The following RUSC2 variants were observed in gnomAD, a reference collection of about 807,000 sequenced individuals.
RUSC2 encodes RUN and SH3 domain containing 2.
A neutral mutation model predicts 122.2 loss-of-function variants in RUSC2; 34 were observed. The observed-to-expected ratio is 0.28, with a 90% CI of 0.21 to 0.37. The LOEUF is 0.37. Ranked by LOEUF, RUSC2 falls within the 10% of genes least tolerant of loss-of-function variation. The pLI is 1.00. For missense variants in RUSC2, 1,747 were observed against 1,952.4 expected, an observed-to-expected ratio of 0.89 and a Z score of 1.98; for synonymous variants, 784 against 790.0, an observed-to-expected ratio of 0.99 and a Z score of 0.13.
At chr9:35,550,849 G>A (rs893905898) in intron 2 of RUSC2, among the ~76,000 whole-genome samples, 2 of 151,928 alleles carry the variant, frequency 1.3e-5, no homozygotes, top group African/African-American at 4.8e-5. Flanking sequence ...GCCGAGGTGC[G>A]CGGGTCACCT....
chr9:35,555,456 C>T lies in RUSC2; in HGVS notation c.2411C>T (p.Pro804Leu). Residue 804 changes from proline (P) to leucine (L), a missense_variant, in exon 3 of 12, where the codon CCC becomes CTC. Coordinates refer to ENST00000361226, the MANE Select transcript of RUSC2 (RefSeq NM_014806.5). The surrounding 1 kb of genome is among the most constrained non-coding windows in gnomAD (Gnocchi z 4.6). ...TCTGCCTCCACTTCGTGCTCCCCTC[C>T]CCCAGAGCAGCCCACAGCCACAGAA... is the stretch of plus-strand genomic sequence containing the variant. ...DSSASTSCSP[P>L]PEQPTATESL... The T allele has an allele frequency of 6.2e-7, 1 of 1,614,240 alleles. No homozygotes were observed. Among genetic ancestry groups the T allele is most frequent in the Non-Finnish European group, 8.5e-7 (1 of 1,180,046 alleles).
At chr9:35,527,798 A>G (rs1189814457) in intron 1 of RUSC2, among the ~76,000 whole-genome samples, 1 of 152,222 alleles carries the variant, frequency 6.6e-6, no homozygotes, top group African/African-American at 2.4e-5. Flanking sequence ...GAGAAGATTC[A>G]TATCTGCTTC....
chr9:35,532,786 T>C (rs1268981712), intron 1 of RUSC2, among the ~76,000 whole-genome samples: 6 of 151,070 alleles, frequency 4.0e-5, no homozygotes, highest in Non-Finnish European at 7.4e-5. Context: ...AGGAGTTGAA[T>C]AGGAAAGGAT....
chr9:35,516,063 AC>A lies in RUSC2; in HGVS notation c.-93+25892del, dbSNP rs1821101054. 6.6e-5 allele frequency among the ~76,000 whole-genome samples: 10 copies of A among 150,926 alleles called. No individual in the cohort carries two copies. In the South Asian group the frequency reaches 2.1e-3, roughly 32 times the overall value. On this transcript the variant is annotated intron_variant, in intron 1 of 11. Coordinates refer to ENST00000361226, the MANE Select transcript of RUSC2 (RefSeq NM_014806.5). ...TGACAAACATCTAGCATGGTGAGTA[AC>A]ATAGTAGATAATAAATAATTGCTAA...
Position 35,558,891 on chromosome 9 carries a change from C to A in RUSC2, c.3341+324C>A, listed in dbSNP as rs1228622835. ...TTCCAAATCCTGCTTGACCCTAAGT[C>A]CACCTTGGGACCCACATCCTAGTAA... On this transcript the variant is annotated intron_variant, in intron 8 of 11. Transcript: ENST00000361226. The surrounding 1 kb of genome is among the most constrained non-coding windows in gnomAD (Gnocchi z 4.3). Among the ~76,000 whole-genome samples the A allele has an allele frequency of 6.6e-6, 1 of 152,272 alleles. No homozygotes were observed. Among genetic ancestry groups the A allele is most frequent in the Non-Finnish European group, 1.5e-5 (1 of 68,048 alleles).
At chr9:35,542,652 G>A (rs535632577) in intron 1 of RUSC2, among the ~76,000 whole-genome samples, 37 of 152,212 alleles carry the variant, frequency 2.4e-4, no homozygotes, top group Non-Finnish European at 5.0e-4. Flanking sequence ...GGCACCTACT[G>A]TGTTCCAAGC....
chr9:35,531,708 T>A (rs1049595507), intron 1 of RUSC2, among the ~76,000 whole-genome samples: 13 of 152,186 alleles, frequency 8.5e-5, no homozygotes, highest in African/African-American at 1.2e-4. Context: ...GTGTTTAGCA[T>A]AGTAGCGGAA....
intron 1 of RUSC2, among the ~76,000 whole-genome samples, chr9:35,536,312 G>C (rs1363767871): frequency 6.6e-6 from 1 of 152,198 alleles, no homozygotes; most frequent in South Asian, 2.1e-4. Context: ...CCACTGGTTC[G>C]GAGAACAGAT....
At chr9:35,514,727 G>C (rs1821071616) in intron 1 of RUSC2, among the ~76,000 whole-genome samples, 1 of 152,110 alleles carries the variant, frequency 6.6e-6, no homozygotes, top group Admixed American at 6.6e-5. Flanking sequence ...ATGGTCCTGG[G>C]CTAGTATGGC....
chr9:35,533,948 G>GT (rs1288674685), intron 1 of RUSC2, among the ~76,000 whole-genome samples: 1 of 152,174 alleles, frequency 6.6e-6, no homozygotes, highest in African/African-American at 2.4e-5. Context: ...CTGTGTGGAT[G>GT]TTTTTTGTTT....
intron 1 of RUSC2, among the ~76,000 whole-genome samples, chr9:35,495,066 A>AC (rs1820663311): frequency 1.7e-5 from 1 of 60,480 alleles, no homozygotes; most frequent in African/African-American, 7.3e-5. Context: ...ATACTATAGT[A>AC]TATATTATAT....
intron 1 of RUSC2, among the ~76,000 whole-genome samples, chr9:35,536,808 CAAAAAAAAAAA>C (rs67604535): frequency 2.9e-5 from 2 of 69,626 alleles, no homozygotes; most frequent in African/African-American, 6.4e-5. Flanking sequence ...GAGTGAAACT[CAAAAAAAAAAA>C]AAAAAAAAAA....
intron 1 of RUSC2, among the ~76,000 whole-genome samples, chr9:35,542,164 G>A (rs1227791443): frequency 6.6e-6 from 1 of 152,074 alleles, no homozygotes; most frequent in African/African-American, 2.4e-5. Context: ...GCCATTGCTC[G>A]GCCTTTCTCT....
intron 1 of RUSC2, among the ~76,000 whole-genome samples, chr9:35,509,661 C>T (rs1037059784): frequency 6.6e-6 from 1 of 152,118 alleles, no homozygotes; most frequent in African/African-American, 2.4e-5. Context: ...TGACATGGTT[C>T]CCTGTTGTAA....
rs763441675 is a variant in RUSC2, at chr9:35,561,178, C to T, written c.4350-3C>T. 8.7e-6 allele frequency: 14 copies of T among 1,613,822 alleles called. No individual in the cohort carries two copies. Among genetic ancestry groups the T allele is most frequent in the Non-Finnish European group, 5.1e-6 (6 of 1,179,942 alleles). ...CTCTGACCTCCATGTGCTGTTTCCC[C>T]AGTGAGGTGCAGGCACTGTGCCACC... On this transcript the variant is annotated splice_region_variant and splice_polypyrimidine_tract_variant and intron_variant, in intron 11 of 11. Transcript: ENST00000361226.
At chr9:35,559,371 G>A (rs1290042558) in intron 9 of RUSC2, 99 bp downstream of exon 9, 1 of 1,050,340 alleles carries the variant, frequency 9.5e-7, no homozygotes, top group Middle Eastern at 2.0e-4. Context: ...AGGTGGGGAG[G>A]GGGACCACAC....
intron 2 of RUSC2, chr9:35,549,292 A>ATT: frequency 2.1e-5 from 13 of 606,586 alleles, no homozygotes; most frequent in Non-Finnish European, 2.6e-5. Flanking sequence ...GCGTCAGTGA[A>ATT]GTTTTTTTTT....
In RUSC2 at chr9:35,523,331, A is replaced by C. The variant is rs577954694; in HGVS notation, c.-92-23099A>C. ...CAGTTCAGTTAATTGTAATGTACTC[A>C]ATGTTAATTGCTTTGTTTTAACAAA... On this transcript the variant is annotated intron_variant, in intron 1 of 11. Coordinates refer to ENST00000361226, the MANE Select transcript of RUSC2 (RefSeq NM_014806.5). 1.2e-3 allele frequency among the ~76,000 whole-genome samples: 189 copies of C among 152,344 alleles called. 1 individual carries two copies. Among genetic ancestry groups the C allele is most frequent in the Middle Eastern group, 3.4e-3 (1 of 294 alleles).
intron 1 of RUSC2, among the ~76,000 whole-genome samples, chr9:35,491,398 T>A (rs546795033): frequency 1.3e-5 from 2 of 152,324 alleles, no homozygotes; most frequent in Admixed American, 6.5e-5. Flanking sequence ...GTGGATGGCT[T>A]AATGGAAGGA....
Sources: gnomAD v4.1 joint callset for allele counts (sites outside exome capture counted in the v4.1 genomes callset) on GRCh38, gnomAD v4.1.1 for gene constraint, Gnocchi (gnomAD v3.1) non-coding constraint, MANE v1.5 for transcripts, NCBI Gene and HGNC (gene_info 2026-07-23, HGNC 2026-07-21) for gene names.